EYS: variants seen among roughly 807,000 people sequenced by gnomAD.
EYS encodes protein eyes shut homolog.
Under a neutral mutation model 282.1 loss-of-function variants are expected in EYS, and 250 were observed. The ratio of observed to expected loss-of-function variants is 0.89; its 90% CI spans 0.80 to 0.98. The LOEUF (loss-of-function observed/expected upper bound fraction) is 0.98. Ranked by LOEUF, EYS falls within the 50% of genes least tolerant of loss-of-function variation. The pLI is 0.00. For missense variants in EYS, 4,016 were observed against 3,709.0 expected (o/e 1.08, Z -2.15); for synonymous variants, 1,355 against 1,282.9 (o/e 1.06, Z -1.20).
At chr6:63,959,491 A>G (rs1003758509) in intron 35 of EYS, among the ~76,000 whole-genome samples, 1 of 152,192 alleles carries the variant, frequency 6.6e-6, no homozygotes, top group African/African-American at 2.4e-5. Flanking sequence ...ATACCATTTG[A>G]CCCAGCAATC....
chr6:64,989,505 CAT>C (rs1194004858), intron 14 of EYS, among the ~76,000 whole-genome samples: 6 of 122,016 alleles, frequency 4.9e-5, no homozygotes, highest in Admixed American at 8.6e-5. Context: ...ATATGAGAAA[CAT>C]GTAATACATA....
At chr6:64,533,111 C>T (rs1238973987) in intron 26 of EYS, among the ~76,000 whole-genome samples, 1 of 152,088 alleles carries the variant, frequency 6.6e-6, no homozygotes, top group Non-Finnish European at 1.5e-5. Flanking sequence ...AGATTAAAAG[C>T]CATGGAGAAG....
chr6:64,371,400 T>C (rs1368200662), intron 29 of EYS, among the ~76,000 whole-genome samples: 1 of 152,052 alleles, frequency 6.6e-6, no homozygotes, highest in Non-Finnish European at 1.5e-5. Flanking sequence ...TTTGGGTTTT[T>C]AGAAATTAAT....
At chr6:64,707,611 G>C (rs1771072315) in intron 22 of EYS, among the ~76,000 whole-genome samples, 1 of 150,666 alleles carries the variant, frequency 6.6e-6, no homozygotes, top group Non-Finnish European at 1.5e-5. Context: ...CTTGCAGTGA[G>C]TGGAGATCAC....
At chr6:65,630,419 A>G (rs977211335) in intron 2 of EYS, among the ~76,000 whole-genome samples, 1 of 152,256 alleles carries the variant, frequency 6.6e-6, no homozygotes, top group African/African-American at 2.4e-5. Context: ...CATCTTCTCC[A>G]TTAATATTTT....
In EYS at chr6:64,423,159, A is replaced by G. The variant is rs146441490; in HGVS notation, c.5927+13015T>C. On this transcript the variant is annotated intron_variant, in intron 28 of 42. Coordinates refer to ENST00000503581, the MANE Select transcript of EYS (RefSeq NM_001142800.2). Reference sequence around the variant, plus strand: ...AGAATAAGTGAAGTTTTCACTCTCAAAGTACTCAGATTTTAATTTTAGAGT... The same window carrying G: ...AGAATAAGTGAAGTTTTCACTCTCAGAGTACTCAGATTTTAATTTTAGAGT... 9.6e-3 allele frequency among the ~76,000 whole-genome samples: 1,469 copies of G among 152,274 alleles called. 6 individuals are homozygous for G. Among genetic ancestry groups the G allele is most frequent in the Non-Finnish European group, 0.015 (1,054 of 68,010 alleles).
intron 33 of EYS, among the ~76,000 whole-genome samples, chr6:64,047,800 A>G (rs560424849): frequency 6.6e-6 from 1 of 152,288 alleles, no homozygotes; most frequent in South Asian, 2.1e-4. Context: ...TGAATATCGC[A>G]TTGGTGGGAA....
intron 37 of EYS, among the ~76,000 whole-genome samples, chr6:63,799,022 A>ATATAAT (rs1770720007): frequency 2.0e-4 from 14 of 69,572 alleles, no homozygotes; most frequent in African/African-American, 6.8e-4. Context: ...TATATATATA[A>ATATAAT]TTTTTTTTTT....
intron 37 of EYS, among the ~76,000 whole-genome samples, chr6:63,795,153 A>G (rs1166596882): frequency 1.3e-5 from 2 of 152,222 alleles, no homozygotes; most frequent in Non-Finnish European, 2.9e-5. Context: ...TGAGTTTCAA[A>G]GTAAGTATGT....
intron 19 of EYS, among the ~76,000 whole-genome samples, chr6:64,854,016 C>A (rs1765969340): frequency 6.6e-6 from 1 of 151,922 alleles, no homozygotes; most frequent in African/African-American, 2.4e-5. Context: ...TCATCACTGG[C>A]CATCAGAGAA....
chr6:65,160,787 A>G (rs1215091777), intron 12 of EYS, among the ~76,000 whole-genome samples: 4 of 150,952 alleles, frequency 2.6e-5, no homozygotes, highest in Non-Finnish European at 4.5e-5. Context: ...TGTAAATTCC[A>G]TATACCTGTG....
At chr6:64,222,565 A>G (rs1766135239) in intron 31 of EYS, among the ~76,000 whole-genome samples, 1 of 152,012 alleles carries the variant, frequency 6.6e-6, no homozygotes, top group African/African-American at 2.4e-5. Flanking sequence ...TTTCTTACAC[A>G]TCCTTACTAT....
At chr6:64,062,979 C>T (rs551738957) in intron 33 of EYS, among the ~76,000 whole-genome samples, 43 of 152,188 alleles carry the variant, frequency 2.8e-4, no homozygotes, top group Non-Finnish European at 5.1e-4. Context: ...TGTGGACAGT[C>T]CAGTGGACTG....
intron 32 of EYS, among the ~76,000 whole-genome samples, chr6:64,074,519 C>T (rs1771698407): frequency 6.6e-6 from 1 of 151,564 alleles, no homozygotes; most frequent in Non-Finnish European, 1.5e-5. Flanking sequence ...TATGGTACCA[C>T]TCCCATTAAA....
intron 12 of EYS, among the ~76,000 whole-genome samples, chr6:65,066,011 C>A (rs1773734132): frequency 6.6e-6 from 1 of 152,090 alleles, no homozygotes; most frequent in Non-Finnish European, 1.5e-5. Context: ...TTTGTTCAAA[C>A]ATCTTGGTTT....
Position 63,902,419 on chromosome 6 carries a change from CA to C in EYS, c.7056-38062del, listed in dbSNP as rs1773680069. ...GGCAACTTAAGTCCTCAGGAAGAAA[CA>C]AGTGTACTGGAAATGGTAAATGTGC... is the stretch of plus-strand genomic sequence containing the variant. On this transcript the variant is annotated intron_variant, in intron 35 of 42. Transcript: ENST00000503581. Among the ~76,000 whole-genome samples, 3 of 152,168 alleles carry C rather than the reference CA, an allele frequency of 2.0e-5. No individual in the cohort carries two copies. In the South Asian group the frequency reaches 6.2e-4, roughly 32 times the overall value.
chr6:65,057,281 A>T (rs1410993689), intron 13 of EYS, among the ~76,000 whole-genome samples: 1 of 152,160 alleles, frequency 6.6e-6, no homozygotes, highest in Non-Finnish European at 1.5e-5. Flanking sequence ...CAATTTCATA[A>T]GAAATTAAAT....
At chr6:65,481,618 G>A (rs1013668272) in intron 5 of EYS, among the ~76,000 whole-genome samples, 21 of 152,232 alleles carry the variant, frequency 1.4e-4, no homozygotes, top group Admixed American at 2.6e-4. Flanking sequence ...GCGCGATCTC[G>A]GCTCACTGCA....
intron 13 of EYS, among the ~76,000 whole-genome samples, chr6:65,046,241 T>C (rs1773095516): frequency 2.6e-5 from 4 of 152,010 alleles, no homozygotes; most frequent in South Asian, 2.1e-4. Context: ...AAGAAATGTG[T>C]GAACTGGACT....
Sources: allele counts gnomAD v4.1 joint callset (sites outside exome capture counted in the v4.1 genomes callset), GRCh38; gene constraint gnomAD v4.1.1; transcripts MANE v1.5; gene names NCBI Gene and HGNC (gene_info 2026-07-23, HGNC 2026-07-21).